Variants in ANKRD6 observed in about 807,000 individuals in gnomAD.
ANKRD6 encodes ankyrin repeat domain 6, also known as ankyrin repeat domain-containing protein 6.
In ANKRD6, 56 loss-of-function variants were observed where a neutral mutation model predicts 82.3. That is an observed-to-expected ratio of 0.68 (90% CI 0.55 to 0.85). The LOEUF (loss-of-function observed/expected upper bound fraction) is 0.85. ANKRD6 is among the 40% of genes least tolerant of loss of function. The probability of loss-of-function intolerance (pLI) is 0.00; values close to 1 mark genes in which losing one functional copy is unlikely to be tolerated. For synonymous variants in ANKRD6, 347 were observed against 352.1 expected, an observed-to-expected ratio of 0.99 and a Z score of 0.16; for missense variants, 852 against 907.6, an observed-to-expected ratio of 0.94 and a Z score of 0.79.
chr6:89,481,440 A>C (rs1383162259), intron 1 of ANKRD6, among the ~76,000 whole-genome samples: 1 of 152,176 alleles, frequency 6.6e-6, no homozygotes, highest in Admixed American at 6.5e-5. Context: ...GTATAATACA[A>C]ATATTCCCCA....
At chr6:89,476,360 A>T (rs1037074560) in intron 1 of ANKRD6, among the ~76,000 whole-genome samples, 2 of 151,222 alleles carry the variant, frequency 1.3e-5, no homozygotes, top group African/African-American at 4.9e-5. Flanking sequence ...TAATTTTTGT[A>T]TTTTTTTTAG....
intron 1 of ANKRD6, among the ~76,000 whole-genome samples, chr6:89,525,339 A>G (rs1383316681): frequency 2.0e-5 from 3 of 151,282 alleles, no homozygotes; most frequent in African/African-American, 7.3e-5. Flanking sequence ...TCCCTCCCTA[A>G]AGACCTGCAC....
rs978011892 is a variant in ANKRD6, at chr6:89,631,293, A to G, written c.*289A>G. On this transcript the variant is annotated 3_prime_UTR_variant, in exon 16 of 16. Coordinates refer to ENST00000339746, the MANE Select transcript of ANKRD6 (RefSeq NM_001242809.2). ...TTTGAAAGCTCAGATTAAGCAAGCCATGCCAAGAAACTGGACGATGTGTAA... is the reference window on the plus strand; with the variant it reads ...TTTGAAAGCTCAGATTAAGCAAGCCGTGCCAAGAAACTGGACGATGTGTAA... 3.5e-6 allele frequency: 1 copy of G among 288,604 alleles called. No homozygotes were observed. Among genetic ancestry groups the G allele is most frequent in the African/African-American group, 2.2e-5 (1 of 45,604 alleles). The allele number at this position is 288,604 out of a possible 1,614,324, so 17.9% of individuals were successfully genotyped here.
Position 89,626,067 on chromosome 6 carries a change from A to C in ANKRD6, c.1371+1376A>C, listed in dbSNP as rs563559566. 2.6e-5 allele frequency among the ~76,000 whole-genome samples: 4 copies of C among 152,288 alleles called. No individual in the cohort carries two copies. The East Asian group carries it at 5.8e-4, about 22-fold the overall frequency. ...TAAAAAAGTTTTTGCCAAATTGATT[A>C]AGGACATTTTACTGTTTAAGTTTTA... is the stretch of plus-strand genomic sequence containing the variant. On this transcript the variant is annotated intron_variant, in intron 13 of 15. Coordinates refer to ENST00000339746, the MANE Select transcript of ANKRD6 (RefSeq NM_001242809.2).
intron 1 of ANKRD6, among the ~76,000 whole-genome samples, chr6:89,556,083 T>G (rs573297442): frequency 6.6e-6 from 1 of 152,324 alleles, no homozygotes; most frequent in African/African-American, 2.4e-5. Flanking sequence ...ACCATAGACC[T>G]AGCAAACACC....
chr6:89,550,797 A>C (rs1350770029), intron 1 of ANKRD6, among the ~76,000 whole-genome samples: 1 of 152,066 alleles, frequency 6.6e-6, no homozygotes, highest in Non-Finnish European at 1.5e-5. Flanking sequence ...CTCTACTAAA[A>C]ATTCAAAAAT....
At chr6:89,606,301 T>C (rs6934804) in intron 5 of ANKRD6, among the ~76,000 whole-genome samples, 196 bp downstream of exon 5, 100,433 of 152,118 alleles carry the variant, frequency 0.66, 35,566 homozygotes, top group Non-Finnish European at 0.8. Context: ...CAGGAGCAAG[T>C]GCACCAACAG....
chr6:89,470,683 TG>T (rs55703102), intron 1 of ANKRD6, among the ~76,000 whole-genome samples: 140,197 of 152,046 alleles, frequency 0.92, 64,722 homozygotes, highest in East Asian at 1. Flanking sequence ...TTTTCTGTTT[TG>T]TTTTGTTTTG....
intron 1 of ANKRD6, among the ~76,000 whole-genome samples, chr6:89,514,131 A>G (rs1455278812): frequency 6.6e-6 from 1 of 152,186 alleles, no homozygotes; most frequent in Non-Finnish European, 1.5e-5. Flanking sequence ...TAATCCCTGC[A>G]CTTTGGGAAG....
intron 1 of ANKRD6, among the ~76,000 whole-genome samples, chr6:89,529,599 G>C (rs187738474): frequency 0.013 from 1,962 of 152,288 alleles, 23 homozygotes; most frequent in Non-Finnish European, 0.02. Flanking sequence ...TCACAACTTC[G>C]CTAACTGGTG....
chr6:89,598,306 G>A (rs887705118), intron 3 of ANKRD6: 1 of 985,126 alleles, frequency 1.0e-6, no homozygotes, highest in African/African-American at 1.8e-5. Flanking sequence ...CAATCACATA[G>A]CTCCCGCCTC....
intron 2 of ANKRD6, among the ~76,000 whole-genome samples, chr6:89,579,602 C>T (rs1319623978): frequency 1.3e-5 from 2 of 151,708 alleles, no homozygotes; most frequent in Non-Finnish European, 2.9e-5. Flanking sequence ...ACTGAAAATA[C>T]AAAAATTAGT....
intron 3 of ANKRD6, among the ~76,000 whole-genome samples, chr6:89,600,045 T>G (rs1274125767): frequency 6.6e-6 from 1 of 152,146 alleles, no homozygotes; most frequent in Non-Finnish European, 1.5e-5. Context: ...GCCAGCAGCT[T>G]AGGACACTAT....
At chr6:89,481,211 G>A (rs959120201) in intron 1 of ANKRD6, among the ~76,000 whole-genome samples, 2 of 152,032 alleles carry the variant, frequency 1.3e-5, no homozygotes, top group African/African-American at 2.4e-5. Context: ...AAACAAAAAC[G>A]TAAAAACAGT....
chr6:89,618,384 A>G lies in ANKRD6; in HGVS notation c.792+353A>G, dbSNP rs1802149058. ...AGTTTAGGCCAAATGCCCATCCCTG[A>G]AGAAGTGGGACAGGGACTTTAAGAA... On this transcript the variant is annotated intron_variant, in intron 9 of 15. Coordinates refer to ENST00000339746, the MANE Select transcript of ANKRD6 (RefSeq NM_001242809.2). 41 of 588,150 alleles carry G rather than the reference A, an allele frequency of 7.0e-5. No individual in the cohort carries two copies. The South Asian group carries it at 8.3e-4, about 12-fold the overall frequency. 36.4% of individuals were successfully genotyped at this position (588,150 alleles called of 1,614,324 possible). A position where few individuals can be genotyped will look rare whatever the true frequency, so the allele number is the denominator to read the frequency against.
At chr6:89,618,451 G>C (rs1018470988) in intron 9 of ANKRD6, 17 of 500,144 alleles carry the variant, frequency 3.4e-5, no homozygotes, top group African/African-American at 2.9e-4. Context: ...GGGAGGGGAC[G>C]ATTCTGGGCA....
At chr6:89,629,355 A>G in intron 15 of ANKRD6, 117 bp downstream of exon 15, 3 of 1,441,974 alleles carry the variant, frequency 2.1e-6, no homozygotes, top group Non-Finnish European at 2.9e-6. Flanking sequence ...TGGATGGTAA[A>G]GTGCACTCTG....
At chr6:89,621,269 A>G (rs962036311) in intron 9 of ANKRD6, 9 of 152,406 alleles carry the variant, frequency 5.9e-5, no homozygotes, top group African/African-American at 2.2e-4. Context: ...CAGAGACCCT[A>G]TAGCCAGTAG....
At chr6:89,603,351 G>T (rs1797707149) in intron 4 of ANKRD6, among the ~76,000 whole-genome samples, 1 of 140,362 alleles carries the variant, frequency 7.1e-6, no homozygotes, top group South Asian at 2.3e-4. Context: ...TTTGGAGAGA[G>T]GGTCTCACTC....
Sources: gnomAD v4.1 joint callset for allele counts (sites outside exome capture counted in the v4.1 genomes callset) on GRCh38, gnomAD v4.1.1 for gene constraint, MANE v1.5 for transcripts, NCBI Gene and HGNC (gene_info 2026-07-23, HGNC 2026-07-21) for gene names.